PLPPR5: variants seen among roughly 807,000 people sequenced by gnomAD.
PLPPR5 encodes phospholipid phosphatase related 5, also known as phospholipid phosphatase-related protein type 5.
In PLPPR5, 16 loss-of-function variants were observed where a neutral mutation model predicts 33.9. That is an observed-to-expected ratio of 0.47 (90% CI 0.32 to 0.72). The LOEUF is 0.72. PLPPR5 is among the 30% of genes least tolerant of loss of function. The probability of loss-of-function intolerance (pLI) is 0.03; values close to 1 mark genes in which losing one functional copy is unlikely to be tolerated. For synonymous variants in PLPPR5, 163 were observed against 150.3 expected, an observed-to-expected ratio of 1.08 and a Z score of -0.62; for missense variants, 301 against 406.7, an observed-to-expected ratio of 0.74 and a Z score of 2.23.
chr1:98,975,781 A>C (rs2100747656), intron 1 of PLPPR5, among the ~76,000 whole-genome samples: 1 of 152,178 alleles, frequency 6.6e-6, no homozygotes, highest in South Asian at 2.1e-4. Context: ...TCTCGACCCA[A>C]GCTCTACCGA....
Position 98,956,695 on chromosome 1 carries a change from C to A in PLPPR5, c.284G>T (p.Arg95Met). The A allele has an allele frequency of 6.3e-7, 1 of 1,598,096 alleles. No homozygotes were observed. Among genetic ancestry groups the A allele is most frequent in the South Asian group, 1.1e-5 (1 of 87,494 alleles). The change falls in exon 2 of 6, where the codon AGG becomes ATG. Residue 95 changes from arginine (R) to methionine (M), a missense_variant. Arg to Met is a moderately conservative substitution (Grantham distance 91). Transcript: ENST00000263177. Reference sequence around the variant, plus strand: ...AGTTTTTTCCTGGTTTTCAAAATCCCTTGTGGCTAGTTGTAGGCAAAAGAC... The same window carrying A: ...AGTTTTTTCCTGGTTTTCAAAATCCATTGTGGCTAGTTGTAGGCAAAAGAC... ...TAVFCLQLATRDFENQEKTIL... is the reference protein window; with the variant it reads ...TAVFCLQLATMDFENQEKTIL...
At chr1:98,901,939 ATATAATCT>A in intron 5 of PLPPR5, among the ~76,000 whole-genome samples, 1 of 152,080 alleles carries the variant, frequency 6.6e-6, no homozygotes, top group Non-Finnish European at 1.5e-5. Flanking sequence ...ACTTTTAATA[ATATAATCT>A]TATAATATCA....
At chr1:98,904,016 A>AT (rs994899749) in intron 5 of PLPPR5, among the ~76,000 whole-genome samples, 12 of 151,976 alleles carry the variant, frequency 7.9e-5, no homozygotes, top group African/African-American at 2.7e-4. Flanking sequence ...TATCCATATA[A>AT]TTTTTTTGGC....
intron 1 of PLPPR5, among the ~76,000 whole-genome samples, chr1:98,982,210 A>G (rs912879931): frequency 6.6e-6 from 1 of 152,076 alleles, no homozygotes; most frequent in Admixed American, 6.6e-5. Context: ...ATTTTATCAT[A>G]TATACACGTT....
At chr1:98,912,984 A>G (rs1330390009) in intron 5 of PLPPR5, among the ~76,000 whole-genome samples, 3 of 152,102 alleles carry the variant, frequency 2.0e-5, no homozygotes, top group African/African-American at 7.2e-5. Context: ...TGGAATTCCT[A>G]TAGTAAAAGG....
At chr1:98,894,313 T>C (rs1648391026) in intron 5 of PLPPR5, among the ~76,000 whole-genome samples, 1 of 152,114 alleles carries the variant, frequency 6.6e-6, no homozygotes, top group Non-Finnish European at 1.5e-5. Flanking sequence ...TCTTGAGTTT[T>C]CCTTACAAAA....
rs80081482 is a variant in PLPPR5, at chr1:98,964,122, G to A, written c.238-7381C>T. 3.5e-3 allele frequency among the ~76,000 whole-genome samples: 537 copies of A among 152,240 alleles called. 11 individuals carry two copies. The East Asian group carries it at 0.062, about 18-fold the overall frequency. On this transcript the variant is annotated intron_variant, in intron 1 of 5. Coordinates refer to ENST00000263177, the MANE Select transcript of PLPPR5 (RefSeq NM_001037317.2). Reference sequence around the variant, plus strand: ...CGAGCATAACTGGTTTGCTTTCCCCGCTGGGAGTGGAAAATATGAGATTTC... The same window carrying A: ...CGAGCATAACTGGTTTGCTTTCCCCACTGGGAGTGGAAAATATGAGATTTC...
chr1:98,983,842 T>C (rs1045168949), intron 1 of PLPPR5, among the ~76,000 whole-genome samples: 2 of 152,128 alleles, frequency 1.3e-5, no homozygotes, highest in Admixed American at 6.6e-5. Context: ...TGATGGCCAG[T>C]GATGATGAAC....
rs1158929995 is a variant in PLPPR5, at chr1:98,958,719, A to G, written c.238-1978T>C. Reference sequence around the variant, plus strand: ...CTGAATAACGTTTTTCTCATGTCCTACCTCCTCTTCAGTGCACCTTGAAAG... The same window carrying G: ...CTGAATAACGTTTTTCTCATGTCCTGCCTCCTCTTCAGTGCACCTTGAAAG... On this transcript the variant is annotated intron_variant, in intron 1 of 5. Coordinates refer to ENST00000263177, the MANE Select transcript of PLPPR5 (RefSeq NM_001037317.2). Among the ~76,000 whole-genome samples the G allele has an allele frequency of 2.0e-5, 3 of 152,058 alleles. No individual in the cohort carries two copies. The South Asian group carries it at 6.2e-4, about 32-fold the overall frequency.
intron 1 of PLPPR5, among the ~76,000 whole-genome samples, chr1:98,999,525 G>A (rs749731866): frequency 6.6e-6 from 1 of 152,184 alleles, no homozygotes; most frequent in African/African-American, 2.4e-5. Context: ...TTTTGACTGA[G>A]GTTACATGGC....
intron 5 of PLPPR5, among the ~76,000 whole-genome samples, chr1:98,904,738 T>A (rs577877765): frequency 1.3e-5 from 2 of 152,194 alleles, no homozygotes; most frequent in East Asian, 3.9e-4. Flanking sequence ...GTCTGACCTA[T>A]GAGGATCATC....
At chr1:98,998,085 GA>G (rs1026381709) in intron 1 of PLPPR5, among the ~76,000 whole-genome samples, 23 of 152,040 alleles carry the variant, frequency 1.5e-4, no homozygotes, top group South Asian at 1.0e-3. Context: ...AAAATAAGTG[GA>G]AAAAGAGACA....
chr1:98,967,742 G>A (rs2101241010), intron 1 of PLPPR5, among the ~76,000 whole-genome samples: 1 of 152,180 alleles, frequency 6.6e-6, no homozygotes, highest in African/African-American at 2.4e-5. Flanking sequence ...TGAGGTTATT[G>A]TTATAACATT....
intron 3 of PLPPR5, among the ~76,000 whole-genome samples, chr1:98,924,294 A>C (rs937007953): frequency 6.6e-6 from 1 of 152,220 alleles, no homozygotes; most frequent in African/African-American, 2.4e-5. Flanking sequence ...TGAAGAGTAC[A>C]CAATTTGATG....
At chr1:99,001,671 GATATATATATATAT>G (rs55722150) in intron 1 of PLPPR5, among the ~76,000 whole-genome samples, 98 of 102,194 alleles carry the variant, frequency 9.6e-4, no homozygotes, top group African/African-American at 3.3e-3. Context: ...GAAAGTTAAA[GATATATATATATAT>G]ATATATATAT....
At chr1:98,940,935 T>C (rs891967357) in intron 3 of PLPPR5, among the ~76,000 whole-genome samples, 2 of 151,870 alleles carry the variant, frequency 1.3e-5, no homozygotes, top group Non-Finnish European at 2.9e-5. Flanking sequence ...AAGCAGGAGA[T>C]GGCTGGGAGC....
chr1:98,911,873 T>A (rs551348944), intron 5 of PLPPR5, among the ~76,000 whole-genome samples: 1 of 151,970 alleles, frequency 6.6e-6, no homozygotes, highest in Non-Finnish European at 1.5e-5. Flanking sequence ...AATCCTCCTA[T>A]CTCAGCCTCC....
intron 4 of PLPPR5, among the ~76,000 whole-genome samples, chr1:98,919,116 A>T (rs1466002353): frequency 6.6e-6 from 1 of 152,224 alleles, no homozygotes; most frequent in Non-Finnish European, 1.5e-5. Context: ...AAGGAAAGGA[A>T]TCCTCAAGGA....
chr1:98,906,243 T>TG (rs1240944295), intron 5 of PLPPR5, among the ~76,000 whole-genome samples: 1 of 151,434 alleles, frequency 6.6e-6, no homozygotes, highest in Non-Finnish European at 1.5e-5. Context: ...AGTGTGTGTG[T>TG]GTATATATAC....
Sources: gnomAD v4.1 joint callset for allele counts (sites outside exome capture counted in the v4.1 genomes callset) on GRCh38, gnomAD v4.1.1 for gene constraint, MANE v1.5 for transcripts, NCBI Gene and HGNC (gene_info 2026-07-23, HGNC 2026-07-21) for gene names.